CELF2: variants seen among roughly 807,000 people sequenced by gnomAD.
The protein encoded by CELF2 is CUGBP Elav-like family member 2.
CELF2 carries 8 observed loss-of-function variants against 62.6 expected under a neutral mutation model. The ratio of observed to expected loss-of-function variants is 0.13; its 90% CI spans 0.07 to 0.23. CELF2 has a LOEUF of 0.23. CELF2 is among the 10% of genes least tolerant of loss of function. The probability of loss-of-function intolerance (pLI) is 1.00; values close to 1 mark genes in which losing one functional copy is unlikely to be tolerated. For synonymous variants in CELF2, 258 were observed against 250.0 expected, an observed-to-expected ratio of 1.03 and a Z score of -0.30; for missense variants, 333 against 671.0, an observed-to-expected ratio of 0.50 and a Z score of 5.56.
the CELF2 span, among the ~76,000 whole-genome samples, chr10:10,714,207 T>C: frequency 0.71 from 108,680 of 152,040 alleles, 39,219 homozygotes; most frequent in South Asian, 0.83. Context: ...CAAGAAAAGC[T>C]TTTAAATTTT....
intron 3 of CELF2, among the ~76,000 whole-genome samples, chr10:11,239,401 T>C (rs2072906585): frequency 6.6e-6 from 1 of 152,186 alleles, no homozygotes. Flanking sequence ...CTGCTGGCTG[T>C]ATATATCCCA....
In CELF2 at chr10:11,046,469, A is replaced by T. The variant is rs1333685084; in HGVS notation, c.74+28306A>T. ...CCGAAATGAAATATAAAGGGAAGAT[A>T]AAGTATATTAAGGTTCTCATTAGGC... On this transcript the variant is annotated intron_variant, in intron 1 of 12. Transcript: ENST00000633077. This position sits in a 1 kb window ranked among gnomAD's most constrained non-coding sequence, Gnocchi z 4.6. Among the ~76,000 whole-genome samples the T allele has an allele frequency of 6.6e-6, 1 of 152,218 alleles. No homozygotes were observed. The highest frequency in any genetic ancestry group is 6.5e-5 in the Admixed American group (1 of 15,282).
intron 1 of CELF2, among the ~76,000 whole-genome samples, chr10:11,091,989 C>A (rs1286637044): frequency 1.3e-5 from 2 of 152,160 alleles, no homozygotes; most frequent in Non-Finnish European, 2.9e-5. Context: ...TGATCAATAT[C>A]CTAGAACGTA....
chr10:10,483,238 A>G, the CELF2 span, among the ~76,000 whole-genome samples: 3 of 150,056 alleles, frequency 2.0e-5, no homozygotes, highest in Non-Finnish European at 3.0e-5. Context: ...AAAAAAAAGC[A>G]TAGACTTTGG....
intron 3 of CELF2, among the ~76,000 whole-genome samples, chr10:11,236,200 A>G (rs1288391380): frequency 2.6e-5 from 4 of 152,240 alleles, no homozygotes; most frequent in Non-Finnish European, 5.9e-5. Context: ...CATTGATTTC[A>G]TGAAATGCCC....
At chr10:11,229,730 T>C (rs2067942241) in intron 3 of CELF2, among the ~76,000 whole-genome samples, 1 of 152,064 alleles carries the variant, frequency 6.6e-6, no homozygotes, top group African/African-American at 2.4e-5. Context: ...GCTGGGATTA[T>C]AGGCATGTGC....
intron 1 of CELF2, among the ~76,000 whole-genome samples, chr10:11,047,142 A>T (rs2063002458): frequency 6.6e-6 from 1 of 152,190 alleles, no homozygotes; most frequent in Non-Finnish European, 1.5e-5. Flanking sequence ...AACAATCTCT[A>T]AGTTTCCATT....
chr10:10,547,394 CTT>C, the CELF2 span, among the ~76,000 whole-genome samples: 4 of 152,188 alleles, frequency 2.6e-5, no homozygotes, highest in Non-Finnish European at 5.9e-5. Context: ...TTTCCACTGA[CTT>C]TGCCTGTGAC....
chr10:10,882,702 C>G (rs2061510676), intron 1 of CELF2, among the ~76,000 whole-genome samples: 1 of 152,124 alleles, frequency 6.6e-6, no homozygotes, highest in South Asian at 2.1e-4. Context: ...TGTGAATTTT[C>G]TCCGTAAGAT....
At chr10:11,124,089 A>G (rs2058258594) in intron 1 of CELF2, among the ~76,000 whole-genome samples, 1 of 152,176 alleles carries the variant, frequency 6.6e-6, no homozygotes, top group African/African-American at 2.4e-5. Context: ...AGATCTCATG[A>G]GACTTATTCA....
At position 11,202,951 on chromosome 10, in the gene CELF2, C is replaced by CTCTCTG. The variant is rs1338089859; in HGVS notation, c.272-14473_272-14472insCTCTGT. On this transcript the variant is annotated intron_variant, in intron 2 of 12. Coordinates refer to ENST00000633077, the MANE Select transcript of CELF2 (RefSeq NM_001326342.2). ...TCTCTCTCTCTCTCTCTCTCTCTCT[C>CTCTCTG]TGTGTGTGTGTGTGTGTGTGTAATC... Among the ~76,000 whole-genome samples the CTCTCTG allele has an allele frequency of 8.0e-4, 43 of 53,866 alleles. 1 individual carries two copies. The highest frequency in any genetic ancestry group is 3.1e-3 in the South Asian group (5 of 1,608). The allele number at this position is 53,866 out of a possible 152,430, so 35.3% of individuals were successfully genotyped here.
intron 3 of CELF2, among the ~76,000 whole-genome samples, chr10:11,241,743 C>T (rs143619923): frequency 9.9e-5 from 15 of 152,222 alleles, no homozygotes; most frequent in Middle Eastern, 6.8e-3. Context: ...ATTAGAGTCA[C>T]TCATGAGGGA....
chr10:11,028,718 C>CTTT (rs71378776), intron 1 of CELF2, among the ~76,000 whole-genome samples: 1 of 125,180 alleles, frequency 8.0e-6, no homozygotes, highest in African/African-American at 3.1e-5. Flanking sequence ...CGCACCCAGC[C>CTTT]TTTTTTTTTT....
chr10:10,815,368 T>C (rs1205416041), intron 1 of CELF2, among the ~76,000 whole-genome samples: 3 of 149,912 alleles, frequency 2.0e-5, no homozygotes, highest in African/African-American at 7.3e-5. Flanking sequence ...ATTATTTATA[T>C]CATTGAAAGA....
intron 1 of CELF2, among the ~76,000 whole-genome samples, chr10:10,830,311 T>C (rs1045270080): frequency 2.1e-5 from 3 of 144,510 alleles, no homozygotes; most frequent in Non-Finnish European, 4.5e-5. Context: ...GACAGAAGGA[T>C]ACTGTAGAAT....
chr10:10,889,123 G>A (rs959905239), intron 1 of CELF2, among the ~76,000 whole-genome samples: 2 of 152,212 alleles, frequency 1.3e-5, no homozygotes, highest in African/African-American at 4.8e-5. Context: ...AGCAGAAAGA[G>A]GTTGTGAAAC....
chr10:10,523,266 T>C, the CELF2 span, among the ~76,000 whole-genome samples: 1 of 152,190 alleles, frequency 6.6e-6, no homozygotes, highest in Non-Finnish European at 1.5e-5. Flanking sequence ...AGGTTATGAG[T>C]TTCTTTAGCA....
chr10:10,516,801 G>A, the CELF2 span, among the ~76,000 whole-genome samples: 3 of 150,930 alleles, frequency 2.0e-5, no homozygotes, highest in Non-Finnish European at 1.5e-5. Flanking sequence ...TGCCACCCGG[G>A]CAACTCTGGA....
chr10:11,290,807 C>T lies in CELF2; in HGVS notation c.976+2255C>T, dbSNP rs185427051. On this transcript the variant is annotated intron_variant, in intron 9 of 12. Transcript: ENST00000633077. The surrounding 1 kb of genome is among the most constrained non-coding windows in gnomAD (Gnocchi z 4.3). Reference sequence around the variant, plus strand: ...TTTTTCTCTTCTCTACTGAGGAATGCTTTGCATAATAACTGAAAGTATTTT... The same window carrying T: ...TTTTTCTCTTCTCTACTGAGGAATGTTTTGCATAATAACTGAAAGTATTTT... Among the ~76,000 whole-genome samples the T allele has an allele frequency of 1.1e-3, 169 of 152,292 alleles. No homozygotes were observed. Among genetic ancestry groups the T allele is most frequent in the Admixed American group, 3.9e-3 (59 of 15,300 alleles).
Sources: gnomAD v4.1 joint callset for allele counts (sites outside exome capture counted in the v4.1 genomes callset) on GRCh38, gnomAD v4.1.1 for gene constraint, Gnocchi (gnomAD v3.1) non-coding constraint, MANE v1.5 for transcripts, NCBI Gene and HGNC (gene_info 2026-07-23, HGNC 2026-07-21) for gene names.